The following TTLL9 variants were observed in gnomAD, a reference collection of about 807,000 sequenced individuals.
TTLL9 encodes the protein probable tubulin polyglutamylase TTLL9.
In TTLL9, 47 loss-of-function variants were observed where a neutral mutation model predicts 65.6. The observed-to-expected ratio is 0.72, with a 90% CI of 0.57 to 0.91. The LOEUF (loss-of-function observed/expected upper bound fraction) is 0.91. TTLL9 is among the 40% of genes least tolerant of loss of function. TTLL9 has a pLI of 0.00. For synonymous variants in TTLL9, 179 were observed against 204.8 expected, an observed-to-expected ratio of 0.87 and a Z score of 1.07; for missense variants, 537 against 568.8, an observed-to-expected ratio of 0.94 and a Z score of 0.57.
chr20:31,874,089 C>A (rs549382013), intron 2 of TTLL9, among the ~76,000 whole-genome samples: 1 of 152,186 alleles, frequency 6.6e-6, no homozygotes, highest in African/African-American at 2.4e-5. Flanking sequence ...AAGTTAAAAG[C>A]CCATATGTGT....
chr20:31,915,433 G>A (rs1356691176), intron 6 of TTLL9, among the ~76,000 whole-genome samples: 4 of 152,178 alleles, frequency 2.6e-5, no homozygotes, highest in Non-Finnish European at 4.4e-5. Context: ...AGTAAGCCGA[G>A]ATCCTGCCAC....
At chr20:31,941,581 C>A (rs1012010255) in intron 14 of TTLL9, among the ~76,000 whole-genome samples, 1 of 151,276 alleles carries the variant, frequency 6.6e-6, no homozygotes, top group Non-Finnish European at 1.5e-5. Flanking sequence ...TTTTTTGAGA[C>A]GGAGTCTCGC....
In TTLL9 at chr20:31,870,828, CTG is replaced by C. The variant is rs2062913364; in HGVS notation, c.-126_-125del. On this transcript the variant is annotated 5_prime_UTR_variant, in exon 1 of 15. It removes the in-frame stop codon of an upstream open reading frame in the 5' UTR. Transcript: ENST00000535842. This position sits in a 1 kb window ranked among gnomAD's most constrained non-coding sequence, Gnocchi z 6.6. Reference sequence around the variant, plus strand: ...CCCTTCCGGCTCTGCCTGGACGTCCCTGCGGGCCCCGGGGGAAAGCACCCAAC... The same window carrying C: ...CCCTTCCGGCTCTGCCTGGACGTCCCCGGGCCCCGGGGGAAAGCACCCAAC... The C allele has an allele frequency of 1.9e-6, 1 of 536,208 alleles. No individual in the cohort carries two copies. The highest frequency in any genetic ancestry group is 2.9e-5 in the South Asian group (1 of 35,070). 33.2% of individuals were successfully genotyped at this position (536,208 alleles called of 1,614,324 possible). A position where few individuals can be genotyped will look rare whatever the true frequency, so the allele number is the denominator to read the frequency against.
rs961082566 is a variant in TTLL9 at position 31,944,022 on chromosome 20, C to T, written c.*1001C>T. 8.7e-6 allele frequency: 3 copies of T among 346,262 alleles called. No homozygotes were observed. Among genetic ancestry groups the T allele is most frequent in the Admixed American group, 7.4e-5 (2 of 26,896 alleles). 21.4% of individuals were successfully genotyped at this position (346,262 alleles called of 1,614,324 possible). ...GCTGCAAATGGTTGAATCTGCCTGC[C>T]TAGGTCAAGCCCGAAGGGAAGACTT... On this transcript the variant is annotated 3_prime_UTR_variant, in exon 15 of 15. Transcript: ENST00000535842.
chr20:31,890,022 CTT>C (rs2063270482), intron 3 of TTLL9, among the ~76,000 whole-genome samples: 1 of 145,044 alleles, frequency 6.9e-6, no homozygotes, highest in Non-Finnish European at 1.5e-5. Context: ...TTCTTTCTTT[CTT>C]TCTTTCTTTC....
intron 10 of TTLL9, among the ~76,000 whole-genome samples, chr20:31,933,203 T>G (rs2064050073): frequency 6.6e-6 from 1 of 152,174 alleles, no homozygotes; most frequent in Non-Finnish European, 1.5e-5. Context: ...CTGATGTCAC[T>G]GGTGGTGACG....
intron 3 of TTLL9, among the ~76,000 whole-genome samples, chr20:31,889,055 C>CAA (rs1306235314): frequency 6.6e-6 from 1 of 151,922 alleles, no homozygotes; most frequent in Non-Finnish European, 1.5e-5. Flanking sequence ...CACACACACA[C>CAA]ACACACACAC....
At chr20:31,884,743 A>C (rs867020301) in intron 2 of TTLL9, among the ~76,000 whole-genome samples, 15 of 152,216 alleles carry the variant, frequency 9.9e-5, no homozygotes, top group African/African-American at 3.6e-4. Context: ...CTTCTTCCAC[A>C]TTTAAGGATC....
intron 3 of TTLL9, among the ~76,000 whole-genome samples, chr20:31,895,908 C>T (rs550618937): frequency 2.0e-5 from 3 of 152,054 alleles, no homozygotes; most frequent in Non-Finnish European, 2.9e-5. Flanking sequence ...GGCACAGTCT[C>T]GGCACACTGC....
chr20:31,932,722 G>T (rs1323588161), intron 10 of TTLL9, among the ~76,000 whole-genome samples: 1 of 152,092 alleles, frequency 6.6e-6, no homozygotes, highest in Non-Finnish European at 1.5e-5. Context: ...TTGGTACTGG[G>T]TGTGGTGGCT....
intron 11 of TTLL9, chr20:31,934,225 C>G: frequency 2.1e-6 from 1 of 486,288 alleles, no homozygotes; most frequent in Non-Finnish European, 4.0e-6. Flanking sequence ...GGTTCAAATA[C>G]AGAATTCTCA....
chr20:31,902,967 G>A (rs960450539), intron 4 of TTLL9, among the ~76,000 whole-genome samples: 27 of 151,810 alleles, frequency 1.8e-4, no homozygotes, highest in Non-Finnish European at 5.9e-5. Flanking sequence ...GCGCTCAAGT[G>A]ATCCACCCAC....
chr20:31,930,999 G>A (rs1036256511), intron 10 of TTLL9, among the ~76,000 whole-genome samples: 2 of 151,996 alleles, frequency 1.3e-5, no homozygotes, highest in Admixed American at 6.6e-5. Context: ...GAAGTTCTGG[G>A]AGTCGTACTT....
At chr20:31,904,898 A>C in intron 4 of TTLL9, among the ~76,000 whole-genome samples, 1 of 152,084 alleles carries the variant, frequency 6.6e-6, no homozygotes, top group East Asian at 1.9e-4. Context: ...GGGCAAGGTC[A>C]CGTAGTGCCA....
chr20:31,911,667 C>T (rs2063649403), intron 6 of TTLL9, among the ~76,000 whole-genome samples: 1 of 152,222 alleles, frequency 6.6e-6, no homozygotes. Context: ...CGGATTCCAG[C>T]TCCCAGCATT....
At chr20:31,913,477 T>G (rs1264482668) in intron 6 of TTLL9, among the ~76,000 whole-genome samples, 4 of 152,230 alleles carry the variant, frequency 2.6e-5, no homozygotes, top group South Asian at 4.1e-4. Flanking sequence ...AAGGCCTGTC[T>G]TTGTGACATG....
chr20:31,889,427 A>AT (rs542012541), intron 3 of TTLL9, among the ~76,000 whole-genome samples: 31,870 of 138,268 alleles, frequency 0.23, 4,967 homozygotes, highest in African/African-American at 0.45. Context: ...CACCTGGCTA[A>AT]TTTTTTTTTT....
intron 6 of TTLL9, among the ~76,000 whole-genome samples, chr20:31,916,027 C>T (rs2063728967): frequency 6.6e-6 from 1 of 152,142 alleles, no homozygotes; most frequent in African/African-American, 2.4e-5. Context: ...GCTGGAGGAT[C>T]CCCTTCCTAG....
At chr20:31,889,038 GCACACACACACACA>G (rs3220144) in intron 3 of TTLL9, among the ~76,000 whole-genome samples, 9 of 147,352 alleles carry the variant, frequency 6.1e-5, no homozygotes, top group African/African-American at 1.7e-4. Context: ...TTTTATAAAG[GCACACACACACACA>G]CACACACACA....
Sources: allele counts gnomAD v4.1 joint callset (sites outside exome capture counted in the v4.1 genomes callset), GRCh38; gene constraint gnomAD v4.1.1; non-coding constraint Gnocchi (gnomAD v3.1); transcripts MANE v1.5; gene names NCBI Gene and HGNC (gene_info 2026-07-23, HGNC 2026-07-21).